MTA3: variants seen among roughly 807,000 people sequenced by gnomAD.
MTA3 encodes the protein metastasis associated 1 family member 3, also known as metastasis-associated protein MTA3.
A neutral mutation model predicts 83.5 loss-of-function variants in MTA3; 34 were observed. The observed-to-expected ratio is 0.41, with a 90% CI of 0.31 to 0.54. The LOEUF (loss-of-function observed/expected upper bound fraction) is 0.54, where lower values mean the gene tolerates loss of function less well. Ranked by LOEUF, MTA3 falls within the 20% of genes least tolerant of loss-of-function variation. The pLI, the probability that MTA3 is intolerant of heterozygous loss-of-function variation, is 0.33. For missense variants in MTA3, 761 were observed against 726.4 expected (o/e 1.05, Z -0.55); for synonymous variants, 303 against 252.7 (o/e 1.20, Z -1.89).
At position 42,505,748 on chromosome 2, in the gene MTA3, C is replaced by A. The variant is rs576185917; in HGVS notation, c.-141+10494C>A. 2.0e-5 allele frequency among the ~76,000 whole-genome samples: 3 copies of A among 150,196 alleles called. No individual in the cohort carries two copies. In the East Asian group the frequency reaches 5.8e-4, roughly 29 times the overall value. Reference sequence around the variant, plus strand: ...CAAGTGGGTGGGAATATAGATGAAACGAGATGGGCCACAAATTGATAATTT... The same window carrying A: ...CAAGTGGGTGGGAATATAGATGAAAAGAGATGGGCCACAAATTGATAATTT... On this transcript the variant is annotated intron_variant, in intron 2 of 17. Coordinates refer to the MTA3 transcript ENST00000405592.
chr2:42,709,108 T>G lies in MTA3; in HGVS notation c.1525+12T>G. The G allele has an allele frequency of 6.4e-7, 1 of 1,572,252 alleles. No homozygotes were observed. Among genetic ancestry groups the G allele is most frequent in the Non-Finnish European group, 8.6e-7 (1 of 1,158,268 alleles). ...CATTAGGGCAGAATGTAAGATGCTTTTAAATTCTTAACCTTATATGTTGTG... is the reference window on the plus strand; with the variant it reads ...CATTAGGGCAGAATGTAAGATGCTTGTAAATTCTTAACCTTATATGTTGTG... On this transcript the variant is annotated intron_variant, in intron 14 of 16. Coordinates refer to ENST00000405094, the MANE Select transcript of MTA3 (RefSeq NM_001330442.2).
chr2:42,711,253 T>C (rs1229327005), intron 14 of MTA3, among the ~76,000 whole-genome samples: 25 of 152,142 alleles, frequency 1.6e-4, no homozygotes, highest in Admixed American at 1.6e-3. Flanking sequence ...GCTTGTGTGT[T>C]AATTTTCAGT....
upstream of MTA3, among the ~76,000 whole-genome samples, chr2:42,565,394 C>T (rs1318222543): frequency 2.0e-5 from 3 of 149,788 alleles, no homozygotes; most frequent in African/African-American, 4.9e-5. Flanking sequence ...GCCATGTTGC[C>T]TAGGCTCAAA....
intron 5 of MTA3, 127 bp downstream of exon 5, chr2:42,640,363 A>C: frequency 1.5e-6 from 1 of 675,720 alleles, no homozygotes; most frequent in Non-Finnish European, 2.4e-6. Context: ...GTATTATAGT[A>C]AAAGTATAGT....
chr2:42,668,920 A>G (rs1690533658), intron 8 of MTA3, among the ~76,000 whole-genome samples: 1 of 152,116 alleles, frequency 6.6e-6, no homozygotes, highest in African/African-American at 2.4e-5. Flanking sequence ...GATGAGGGAA[A>G]GTTGACCTAA....
At chr2:42,593,385 A>T (rs937639928) in intron 3 of MTA3, among the ~76,000 whole-genome samples, 2 of 152,146 alleles carry the variant, frequency 1.3e-5, no homozygotes, top group African/African-American at 4.8e-5. Context: ...TAAATACATA[A>T]ATCAGTAACA....
intron 2 of MTA3, among the ~76,000 whole-genome samples, chr2:42,574,041 T>C (rs983116399): frequency 2.0e-5 from 3 of 151,692 alleles, no homozygotes; most frequent in African/African-American, 7.3e-5. Flanking sequence ...TTTCACCGTG[T>C]TAGCCAGGAT....
At chr2:42,720,043 C>T (rs940711288) in intron 15 of MTA3, among the ~76,000 whole-genome samples, 2 of 152,070 alleles carry the variant, frequency 1.3e-5, no homozygotes, top group Non-Finnish European at 2.9e-5. Context: ...TTTTAAAAAT[C>T]AAAGTGTAGT....
intron 2 of MTA3, among the ~76,000 whole-genome samples, chr2:42,515,598 G>C (rs148287691): frequency 3.7e-4 from 56 of 151,710 alleles, no homozygotes; most frequent in African/African-American, 1.2e-3. Flanking sequence ...TGCCTCCTAG[G>C]TTCAAGCGAT....
At chr2:42,695,953 A>G (rs1306264063) in intron 10 of MTA3, 114 bp downstream of exon 10, 5 of 641,788 alleles carry the variant, frequency 7.8e-6, no homozygotes, top group Non-Finnish European at 1.3e-5. Flanking sequence ...TACTTTTTCC[A>G]GACTACTTTA....
At chr2:42,563,774 A>ACATT (rs1280694471), upstream of MTA3, among the ~76,000 whole-genome samples, 26 of 101,852 alleles carry the variant, frequency 2.6e-4, no homozygotes, top group East Asian at 1.1e-3. Flanking sequence ...CCTGGACCAA[A>ACATT]CATTCCTTCC....
intron 6 of MTA3, among the ~76,000 whole-genome samples, chr2:42,653,928 T>C (rs772518868): frequency 2.0e-5 from 3 of 152,224 alleles, no homozygotes; most frequent in Non-Finnish European, 2.9e-5. Flanking sequence ...TTAAATTATT[T>C]TTAAAAAGAC....
intron 4 of MTA3, among the ~76,000 whole-genome samples, chr2:42,628,223 T>TTTATTTATTTATTTAC (rs1318916542): frequency 2.0e-4 from 30 of 150,180 alleles, no homozygotes; most frequent in South Asian, 8.4e-4. Context: ...TATTTATTTA[T>TTTATTTATTTATTTAC]TTATTTATTT....
chr2:42,539,334 A>AG (rs1233820461), intron 2 of MTA3, among the ~76,000 whole-genome samples: 2 of 152,130 alleles, frequency 1.3e-5, no homozygotes, highest in Admixed American at 6.6e-5. Context: ...GGGGAAAAAA[A>AG]CAAGTCCTTC....
intron 9 of MTA3, among the ~76,000 whole-genome samples, chr2:42,683,445 G>T (rs1464838898): frequency 6.6e-6 from 1 of 152,178 alleles, no homozygotes; most frequent in African/African-American, 2.4e-5. Flanking sequence ...TTTTGTGGAA[G>T]ACAGTTTTTC....
At chr2:42,673,292 G>A (rs1400541502) in intron 8 of MTA3, among the ~76,000 whole-genome samples, 1 of 152,144 alleles carries the variant, frequency 6.6e-6, no homozygotes, top group African/African-American at 2.4e-5. Flanking sequence ...AATTCCTGTA[G>A]GAGGTATATA....
At chr2:42,563,694 C>T (rs1677767218), upstream of MTA3, among the ~76,000 whole-genome samples, 1 of 152,044 alleles carries the variant, frequency 6.6e-6, no homozygotes, top group Admixed American at 6.6e-5. Flanking sequence ...TCTCGATCTC[C>T]TGACGTCATG....
chr2:42,639,847 A>C (rs1573427968), intron 4 of MTA3, among the ~76,000 whole-genome samples: 1 of 151,948 alleles, frequency 6.6e-6, no homozygotes, highest in African/African-American at 2.4e-5. Flanking sequence ...TCAGAAACTG[A>C]CTCTTAGTCT....
intron 4 of MTA3, among the ~76,000 whole-genome samples, chr2:42,625,764 A>G (rs912613996): frequency 1.3e-5 from 2 of 150,844 alleles, no homozygotes; most frequent in African/African-American, 4.9e-5. Flanking sequence ...AAAAAAAAAA[A>G]AAATTTGTTT....
Sources: allele counts gnomAD v4.1 joint callset (sites outside exome capture counted in the v4.1 genomes callset), GRCh38; gene constraint gnomAD v4.1.1; transcripts MANE v1.5; gene names NCBI Gene and HGNC (gene_info 2026-07-23, HGNC 2026-07-21).